The following GARNL3 variants were observed in gnomAD, a reference collection of about 807,000 sequenced individuals.
GARNL3 encodes the protein GTPase-activating Rap/Ran-GAP domain-like protein 3.
GARNL3 carries 63 observed loss-of-function variants against 125.0 expected under a neutral mutation model. The observed-to-expected ratio is 0.50, with a 90% CI of 0.41 to 0.62. GARNL3 has a LOEUF of 0.62. Among genes scored for constraint, GARNL3 ranks in the 20% least tolerant of loss-of-function variants. GARNL3 has a pLI of 0.00. For missense variants in GARNL3, 994 were observed against 1,244.0 expected (o/e 0.80, Z 3.02); for synonymous variants, 439 against 457.5 (o/e 0.96, Z 0.52).
intron 1 of GARNL3, among the ~76,000 whole-genome samples, chr9:127,269,602 T>C (rs530410172): frequency 6.6e-6 from 1 of 152,352 alleles, no homozygotes; most frequent in East Asian, 1.9e-4. Flanking sequence ...TTTAAAATAA[T>C]AGTCATTGTA....
upstream of GARNL3, among the ~76,000 whole-genome samples, chr9:127,261,825 C>T (rs2063599043): frequency 6.6e-6 from 1 of 152,162 alleles, no homozygotes; most frequent in South Asian, 2.1e-4. Flanking sequence ...TTCTCAAGTC[C>T]ATGAGGCCCT....
upstream of GARNL3, among the ~76,000 whole-genome samples, chr9:127,263,288 C>T (rs984271131): frequency 6.6e-6 from 1 of 152,348 alleles, no homozygotes; most frequent in African/African-American, 2.4e-5. Flanking sequence ...GGACCCAGTG[C>T]TCTACATCCT....
Position 127,342,195 on chromosome 9 carries a change from C to A in GARNL3, c.1136-24C>A, listed in dbSNP as rs115453423. ...TGTGTCAAGAGATATCTTGTAATTCCCTTTTTAACTTGATTTATTTTAGTA... is the reference window on the plus strand; with the variant it reads ...TGTGTCAAGAGATATCTTGTAATTCACTTTTTAACTTGATTTATTTTAGTA... On this transcript the variant is annotated intron_variant, in intron 13 of 27. Coordinates refer to ENST00000373387, the MANE Select transcript of GARNL3 (RefSeq NM_032293.5). 3,232 of 1,332,408 alleles carry A rather than the reference C, an allele frequency of 2.4e-3. 80 individuals carry two copies. The African/African-American group carries it at 0.043, about 18-fold the overall frequency. The allele number at this position is 1,332,408 out of a possible 1,614,324, so 82.5% of individuals were successfully genotyped here. A position where few individuals can be genotyped will look rare whatever the true frequency, so the allele number is the denominator to read the frequency against.
intron 1 of GARNL3, 25 bp from the exon 2 acceptor site, chr9:127,291,143 T>TA (rs1369324784): frequency 1.2e-6 from 2 of 1,609,840 alleles, no homozygotes; most frequent in Non-Finnish European, 1.7e-6. Context: ...AAATGCTTCC[T>TA]AATTGAATGC....
At chr9:127,383,879 G>A (rs548192746) in intron 23 of GARNL3, among the ~76,000 whole-genome samples, 48 of 152,266 alleles carry the variant, frequency 3.2e-4, no homozygotes, top group African/African-American at 1.1e-3. Flanking sequence ...TCAAGTGTAA[G>A]GTCTCCAGCC....
upstream of GARNL3, among the ~76,000 whole-genome samples, chr9:127,263,287 G>T (rs1374073688): frequency 1.3e-5 from 2 of 152,202 alleles, no homozygotes; most frequent in African/African-American, 4.8e-5. Context: ...AGGACCCAGT[G>T]CTCTACATCC....
Position 127,393,297 on chromosome 9 carries a change from G to T in GARNL3, c.*43G>T, listed in dbSNP as rs1026645462. ...TGCCATCTTTAGTTTTCTTATGGAG[G>T]TTTATACTCTTTAAACAGTTCTGAT... On this transcript the variant is annotated 3_prime_UTR_variant, in exon 28 of 28. Transcript: ENST00000373387. The T allele has an allele frequency of 3.9e-6, 6 of 1,547,144 alleles. No individual in the cohort carries two copies. Among genetic ancestry groups the T allele is most frequent in the Non-Finnish European group, 5.3e-6 (6 of 1,124,652 alleles).
intron 21 of GARNL3, among the ~76,000 whole-genome samples, chr9:127,357,962 C>G (rs368585382): frequency 4.1e-4 from 63 of 152,098 alleles, no homozygotes; most frequent in Non-Finnish European, 1.5e-4. Context: ...CTCCCTACCC[C>G]CTTAAAAACC....
At chr9:127,255,916 T>C (rs559348963) in intron 2 of GARNL3, among the ~76,000 whole-genome samples, 2 of 152,252 alleles carry the variant, frequency 1.3e-5, no homozygotes, top group East Asian at 3.9e-4. Context: ...TTCCAAATAG[T>C]AGGCATCCCT....
rs182092094 is a variant in GARNL3 at position 127,342,276 on chromosome 9, G to A, written c.1193G>A (p.Arg398His). The A allele has an allele frequency of 2.9e-5, 47 of 1,613,958 alleles. No individual in the cohort carries two copies. Among genetic ancestry groups the A allele is most frequent in the East Asian group, 2.5e-4 (11 of 44,874 alleles). The change falls in exon 14 of 28, where the codon CGT (arginine) becomes CAT (histidine). Residue 398 changes from arginine (R) to histidine (H), a missense_variant. This residue lies in a region of GARNL3 where 728 missense variants were observed against 865.7 expected (regional missense o/e 0.84). Transcript: ENST00000373387. ...CCAACATTTGCCCAGAAACGTCGGC[G>A]TACCCTGGATATGTTGATTAGATCT... Reference protein sequence around the residue: ...ETPTFAQKRRRTLDMLIRSLH... With the variant: ...ETPTFAQKRRHTLDMLIRSLH...
chr9:127,236,285 A>G (rs1404018698), intron 1 of GARNL3, among the ~76,000 whole-genome samples: 1 of 152,224 alleles, frequency 6.6e-6, no homozygotes, highest in Non-Finnish European at 1.5e-5. Context: ...TATAAGTTAG[A>G]CTAGTATTTC....
chr9:127,320,646 CTG>C (rs1338114120), intron 5 of GARNL3, 67 bp from the exon 6 acceptor site: 2 of 1,055,894 alleles, frequency 1.9e-6, no homozygotes, highest in East Asian at 2.4e-5. Context: ...GGGAAAACAG[CTG>C]TGATTTTCTA....
chr9:127,384,964 G>A lies in GARNL3; in HGVS notation c.2270-63G>A. ...GAGAAGTGAGTGTGACTATGACACA[G>A]TCACAGCCCCTTCGCGGCCACCAAG... On this transcript the variant is annotated intron_variant, in intron 23 of 27. Coordinates refer to ENST00000373387, the MANE Select transcript of GARNL3 (RefSeq NM_032293.5). The surrounding 1 kb of genome is among the most constrained non-coding windows in gnomAD (Gnocchi z 4.0). The A allele has an allele frequency of 2.1e-6, 2 of 936,544 alleles. No individual in the cohort carries two copies. Among genetic ancestry groups the A allele is most frequent in the Non-Finnish European group, 3.4e-6 (2 of 592,236 alleles). The allele number at this position is 936,544 out of a possible 1,614,324, so 58.0% of individuals were successfully genotyped here.
chr9:127,357,419 G>A (rs770946898), intron 21 of GARNL3, 42 bp downstream of exon 21: 1 of 1,594,866 alleles, frequency 6.3e-7, no homozygotes, highest in African/African-American at 1.3e-5. Context: ...TCAGAAAAGA[G>A]TAATCATCGT....
chr9:127,388,566 A>G (rs1832671893), intron 25 of GARNL3: 7 of 339,060 alleles, frequency 2.1e-5, no homozygotes, highest in South Asian at 1.9e-4. Flanking sequence ...CTTTTCATAA[A>G]TTCTTACCAC....
Position 127,385,072 on chromosome 9 carries a change from A to C in GARNL3, c.2315A>C (p.Glu772Ala). 1 of 1,612,672 alleles carries C rather than the reference A, an allele frequency of 6.2e-7. No homozygotes were observed. The highest frequency in any genetic ancestry group is 8.5e-7 in the Non-Finnish European group (1 of 1,179,258). The change falls in exon 24 of 28, where the codon GAG becomes GCG. Residue 772 changes from glutamate (E) to alanine (A), a missense_variant. Coordinates refer to ENST00000373387, the MANE Select transcript of GARNL3 (RefSeq NM_032293.5). The surrounding 1 kb of genome is among the most constrained non-coding windows in gnomAD (Gnocchi z 4.1). ...CTGGCCTTCACCACCGACTCCATGG[A>C]GATCCGCCTGGTGGTGAACGGGAAC... Reference protein sequence around the residue: ...YLLAFTTDSMEIRLVVNGNLV... With the variant: ...YLLAFTTDSMAIRLVVNGNLV...
intron 22 of GARNL3, among the ~76,000 whole-genome samples, chr9:127,380,586 C>G (rs1269410863): frequency 6.6e-6 from 1 of 152,162 alleles, no homozygotes; most frequent in Non-Finnish European, 1.5e-5. Context: ...GCTATTCATA[C>G]AGTGGAATAT....
intron 1 of GARNL3, among the ~76,000 whole-genome samples, chr9:127,270,326 A>T (rs993015250): frequency 3.3e-5 from 5 of 152,220 alleles, no homozygotes; most frequent in African/African-American, 1.2e-4. Flanking sequence ...TGTTGTCAAT[A>T]CAATGTCTTT....
At chr9:127,239,542 A>T (rs1212795361) in intron 1 of GARNL3, among the ~76,000 whole-genome samples, 1 of 152,190 alleles carries the variant, frequency 6.6e-6, no homozygotes, top group Non-Finnish European at 1.5e-5. Flanking sequence ...TTGTTTCAAT[A>T]AGTTGTCTTT....
Sources: gnomAD v4.1 joint callset for allele counts (sites outside exome capture counted in the v4.1 genomes callset) on GRCh38, gnomAD v4.1.1 for gene constraint, gnomAD v4.1.1 regional missense constraint, Gnocchi (gnomAD v3.1) non-coding constraint, MANE v1.5 for transcripts, NCBI Gene and HGNC (gene_info 2026-07-23, HGNC 2026-07-21) for gene names.